DTWD1: variants seen among roughly 807,000 people sequenced by gnomAD.
The protein encoded by DTWD1 is DTW motif tRNA-uridine aminocarboxypropyltransferase 1.
A neutral mutation model predicts 30.2 loss-of-function variants in DTWD1; 27 were observed. The observed-to-expected ratio is 0.90, with a 90% CI of 0.66 to 1.23. The LOEUF (loss-of-function observed/expected upper bound fraction) is 1.23. DTWD1 is among the 50% of genes most tolerant of loss of function. DTWD1 has a pLI of 0.00. For missense variants in DTWD1, 342 were observed against 348.8 expected, an observed-to-expected ratio of 0.98 and a Z score of 0.15; for synonymous variants, 99 against 113.1, an observed-to-expected ratio of 0.88 and a Z score of 0.79.
rs374894413 is a variant in DTWD1, at chr15:49,632,328, T to G, written c.408+26T>G. On this transcript the variant is annotated intron_variant, in intron 3 of 4. Coordinates refer to ENST00000403028, the MANE Select transcript of DTWD1 (RefSeq NM_001144955.2). ...GTAGGCAACTTAGTTTTTATAACTC[T>G]TCACATTGGATATAAAAATGAATTT... 17 of 1,563,094 alleles carry G rather than the reference T, an allele frequency of 1.1e-5. No homozygotes were observed. The African/African-American group carries it at 2.2e-4, about 21-fold the overall frequency.
At chr15:49,626,369 G>T (rs2078844625) in intron 2 of DTWD1, among the ~76,000 whole-genome samples, 1 of 152,008 alleles carries the variant, frequency 6.6e-6, no homozygotes, top group Admixed American at 6.6e-5. Flanking sequence ...CCAATTCCCT[G>T]GGCTGTGTTA....
chr15:49,645,214 T>C lies in DTWD1; in HGVS notation c.*1636T>C, dbSNP rs535033250. Reference sequence around the variant, plus strand: ...CCATGGAAATAGGACGTTTGGAGTATTGTAATTAAGAACAATTCCTATTAA... The same window carrying C: ...CCATGGAAATAGGACGTTTGGAGTACTGTAATTAAGAACAATTCCTATTAA... On this transcript the variant is annotated 3_prime_UTR_variant, in exon 5 of 5. Coordinates refer to ENST00000403028, the MANE Select transcript of DTWD1 (RefSeq NM_001144955.2). The C allele has an allele frequency of 4.7e-4, 71 of 152,306 alleles. No homozygotes were observed. Among genetic ancestry groups the C allele is most frequent in the African/African-American group, 1.6e-3 (68 of 41,580 alleles). The allele number at this position is 152,306 out of a possible 1,614,324, so 9.4% of individuals were successfully genotyped here. A position where few individuals can be genotyped will look rare whatever the true frequency, so the allele number is the denominator to read the frequency against.
intron 3 of DTWD1, chr15:49,633,607 T>C (rs769278298): frequency 2.4e-5 from 7 of 289,518 alleles, no homozygotes; most frequent in Admixed American, 9.5e-5. Flanking sequence ...AGTGCCGGGA[T>C]TACAGGTATG....
intron 4 of DTWD1, 21 bp from the exon 5 acceptor site, chr15:49,643,302 CTTTCTTTT>C: frequency 8.3e-7 from 1 of 1,199,946 alleles, no homozygotes. Context: ...TTCTTTCTTT[CTTTCTTTT>C]TTTTTTTTTT....
Position 49,632,260 on chromosome 15 carries a change from C to T in DTWD1, c.366C>T (p.Tyr122=), listed in dbSNP as rs751188609. 9 of 1,596,342 alleles carry T rather than the reference C, an allele frequency of 5.6e-6. No homozygotes were observed. The Admixed American group carries it at 1.7e-4, about 29-fold the overall frequency. ...TAGCACCTGAATTTGTAAACATTTA[C>T]ACGTATCCGTGTATTCCAGAATATG... ...KLLAPEFVNI[Y]TYPCIPEYEE... Residue 122 remains tyrosine, a synonymous_variant, in exon 3 of 5, where the codon TAC becomes TAT. Transcript: ENST00000403028.
chr15:49,639,693 A>G (rs1171869733), intron 4 of DTWD1, among the ~76,000 whole-genome samples: 6 of 152,222 alleles, frequency 3.9e-5, no homozygotes, highest in African/African-American at 1.4e-4. Context: ...GCATACATAT[A>G]TGAGAATGGT....
chr15:49,625,979 AT>A (rs2078838894), intron 2 of DTWD1, among the ~76,000 whole-genome samples: 1 of 152,102 alleles, frequency 6.6e-6, no homozygotes, highest in African/African-American at 2.4e-5. Context: ...TTGAAGAGGA[AT>A]TTATCATTCC....
chr15:49,625,111 A>C lies in DTWD1; in HGVS notation c.-55-2A>C. The C allele has an allele frequency of 3.3e-5, 47 of 1,435,906 alleles. No homozygotes were observed. Among genetic ancestry groups the C allele is most frequent in the Non-Finnish European group, 4.2e-5 (44 of 1,050,096 alleles). 88.9% of individuals were successfully genotyped at this position (1,435,906 alleles called of 1,614,324 possible). A position where few individuals can be genotyped will look rare whatever the true frequency, so the allele number is the denominator to read the frequency against. Reference sequence around the variant, plus strand: ...CCTTCTCTTGATACTTTTTTTTTACAGTGCACCTATGATATGTGTTTTAGA... The same window carrying C: ...CCTTCTCTTGATACTTTTTTTTTACCGTGCACCTATGATATGTGTTTTAGA... On this transcript the variant is annotated splice_acceptor_variant, in intron 1 of 4. Coordinates refer to ENST00000403028, the MANE Select transcript of DTWD1 (RefSeq NM_001144955.2). LOFTEE classifies it low-confidence loss of function (5UTR_SPLICE).
At chr15:49,632,366 C>T (rs1034584847) in intron 3 of DTWD1, 64 bp downstream of exon 3, 6 of 1,431,906 alleles carry the variant, frequency 4.2e-6, no homozygotes, top group Admixed American at 2.5e-5. Flanking sequence ...ACCTCCATTG[C>T]CTTTCTGAAC....
In DTWD1 at chr15:49,621,137, C is replaced by G. The variant is rs565805306; in HGVS notation, c.-56+15C>G. On this transcript the variant is annotated intron_variant, in intron 1 of 4. Coordinates refer to ENST00000403028, the MANE Select transcript of DTWD1 (RefSeq NM_001144955.2). ...CGGGTGTGCAGGTCTGAGTACCACT[C>G]CGATCCCTGGTGGAGGTCCCCGCGC... 6.6e-6 allele frequency: 1 copy of G among 152,402 alleles called. No homozygotes were observed. The highest frequency in any genetic ancestry group is 2.4e-5 in the African/African-American group (1 of 41,556). 9.4% of individuals were successfully genotyped at this position (152,402 alleles called of 1,614,324 possible).
rs1271368392 is a variant in DTWD1, at chr15:49,646,861, C to CT, written c.*3286dup. 6.6e-6 allele frequency: 1 copy of CT among 152,094 alleles called. No homozygotes were observed. Among genetic ancestry groups the CT allele is most frequent in the Non-Finnish European group, 1.5e-5 (1 of 68,026 alleles). The allele number at this position is 152,094 out of a possible 1,614,324, so 9.4% of individuals were successfully genotyped here. ...TCGCTCTTACCAGCCTGGATTGTAC[C>CT]TTTAATAAAGTAGTGGATATATTTC... On this transcript the variant is annotated 3_prime_UTR_variant, in exon 5 of 5. Coordinates refer to ENST00000403028, the MANE Select transcript of DTWD1 (RefSeq NM_001144955.2).
chr15:49,634,623 G>A lies in DTWD1; in HGVS notation c.496G>A (p.Gly166Ser), dbSNP rs780169943. Residue 166 changes from glycine to serine, a missense_variant, in exon 4 of 5, where the codon GGC (glycine) becomes AGC (serine). Coordinates refer to ENST00000403028, the MANE Select transcript of DTWD1 (RefSeq NM_001144955.2). ...LQKRIQNNVR[G>S]KNDDPDKPSF... ...AAAAAGGATTCAAAATAATGTTAGA[G>A]GCAAAAATGATGACCCTGACAAGCC... The A allele has an allele frequency of 3.7e-6, 6 of 1,613,566 alleles. No individual in the cohort carries two copies. The highest frequency in any genetic ancestry group is 4.5e-5 in the East Asian group (2 of 44,834).
chr15:49,632,101 T>G (rs954199640), intron 2 of DTWD1, 58 bp from the exon 3 acceptor site: 80 of 1,400,340 alleles, frequency 5.7e-5, no homozygotes, highest in Admixed American at 8.6e-5. Context: ...ACCCTTTTTA[T>G]TAACATAAAA....
rs1264618751 is a variant in DTWD1, at chr15:49,647,166, A to G, written c.*3588A>G. The G allele has an allele frequency of 1.3e-5, 2 of 152,088 alleles. No homozygotes were observed. Among genetic ancestry groups the G allele is most frequent in the African/African-American group, 2.4e-5 (1 of 41,426 alleles). 9.4% of individuals were successfully genotyped at this position (152,088 alleles called of 1,614,324 possible). On this transcript the variant is annotated 3_prime_UTR_variant, in exon 5 of 5. Transcript: ENST00000403028. ...AGCATATCAAGTGTCTCATTCCTCT[A>G]ATCTTTCTAGGAGCCCTTTGGTTCA...
intron 4 of DTWD1, among the ~76,000 whole-genome samples, 187 bp downstream of exon 4, chr15:49,634,981 C>G (rs1190629812): frequency 6.6e-6 from 1 of 151,966 alleles, no homozygotes; most frequent in Non-Finnish European, 1.5e-5. Flanking sequence ...TTTGGTTGAT[C>G]AATTGAAAGT....
chr15:49,644,831 G>T lies in DTWD1; in HGVS notation c.*1253G>T, dbSNP rs906268804. ...GCCCCAGTATAGTTCACTACAACTT[G>T]TTGCTTTACCTAAACCCTGCTCATA... On this transcript the variant is annotated 3_prime_UTR_variant, in exon 5 of 5. Coordinates refer to ENST00000403028, the MANE Select transcript of DTWD1 (RefSeq NM_001144955.2). 6.6e-6 allele frequency: 1 copy of T among 152,102 alleles called. No homozygotes were observed. Among genetic ancestry groups the T allele is most frequent in the African/African-American group, 2.4e-5 (1 of 41,424 alleles). The allele number at this position is 152,102 out of a possible 1,614,324, so 9.4% of individuals were successfully genotyped here.
At position 49,643,436 on chromosome 15, in the gene DTWD1, TG is replaced by T. The variant is rs1396829896; in HGVS notation, c.775del (p.Val259Ter). The T allele has an allele frequency of 6.2e-7, 1 of 1,607,422 alleles. No individual in the cohort carries two copies. The highest frequency in any genetic ancestry group is 8.5e-7 in the Non-Finnish European group (1 of 1,177,330). On this transcript the variant is annotated frameshift_variant, in exon 5 of 5. Coordinates refer to ENST00000403028, the MANE Select transcript of DTWD1 (RefSeq NM_001144955.2). LOFTEE classifies it high-confidence loss of function. ...ACAATTGAAGCCATTTACTACTTTCTGGTAGACTACCATACTGATATATTAA... is the reference window on the plus strand; with the variant it reads ...ACAATTGAAGCCATTTACTACTTTCTGTAGACTACCATACTGATATATTAA... Reference protein sequence around the residue: ...LSTIEAIYYFLVDYHTDILKE... With the variant: ...LSTIEAIYYFXVDYHTDILKE...
At position 49,632,263 on chromosome 15, in the gene DTWD1, G is replaced by A. The variant is rs200808346; in HGVS notation, c.369G>A (p.Thr123=). The A allele has an allele frequency of 2.4e-5, 38 of 1,591,728 alleles. No homozygotes were observed. In the South Asian group the frequency reaches 3.5e-4, roughly 15 times the overall value. The change falls in exon 3 of 5, where the codon ACG becomes ACA. Residue 123 remains threonine, a synonymous_variant. Transcript: ENST00000403028. ...LLAPEFVNIY[T]YPCIPEYEEK... is the part of the protein sequence containing the mutation. The stretch of plus-strand genomic sequence containing the variant: ...CACCTGAATTTGTAAACATTTACAC[G>A]TATCCGTGTATTCCAGAATATGAAG...
At chr15:49,639,497 G>C (rs1364526109) in intron 4 of DTWD1, among the ~76,000 whole-genome samples, 1 of 152,186 alleles carries the variant, frequency 6.6e-6, no homozygotes, top group Non-Finnish European at 1.5e-5. Flanking sequence ...AGGAGTTCAA[G>C]GATGCGGTGA....
Sources: gnomAD v4.1 joint callset for allele counts (sites outside exome capture counted in the v4.1 genomes callset) on GRCh38, gnomAD v4.1.1 for gene constraint, MANE v1.5 for transcripts, NCBI Gene and HGNC (gene_info 2026-07-23, HGNC 2026-07-21) for gene names.